JMJD1C: variants seen among roughly 807,000 people sequenced by gnomAD.
JMJD1C encodes the protein jumonji domain containing 1C.
A neutral mutation model predicts 245.3 loss-of-function variants in JMJD1C; 31 were observed. The ratio of observed to expected loss-of-function variants is 0.13; its 90% CI spans 0.09 to 0.17. The LOEUF (loss-of-function observed/expected upper bound fraction) is 0.17. Ranked by LOEUF, JMJD1C falls within the 10% of genes least tolerant of loss-of-function variation. The pLI, the probability that JMJD1C is intolerant of heterozygous loss-of-function variation, is 1.00. For synonymous variants in JMJD1C, 1,057 were observed against 1,017.4 expected (o/e 1.04, Z -0.74); for missense variants, 2,691 against 3,000.2 (o/e 0.90, Z 2.41).
intron 2 of JMJD1C, among the ~76,000 whole-genome samples, chr10:63,272,051 A>T (rs7916282): frequency 0.86 from 126,632 of 147,436 alleles, 55,083 homozygotes; most frequent in African/African-American, 0.96. Context: ...CTGGCCTGGG[A>T]GACAGAGCAA....
chr10:63,511,604 G>T (rs1052638300), intron 1 of JMJD1C, among the ~76,000 whole-genome samples: 1 of 152,090 alleles, frequency 6.6e-6, no homozygotes. Flanking sequence ...CAGTGACTCC[G>T]GAGGCTGAGG....
chr10:63,465,393 T>C, intron 1 of JMJD1C, 102 bp downstream of exon 1: 4 of 1,233,582 alleles, frequency 3.2e-6, no homozygotes, highest in African/African-American at 3.0e-5. Flanking sequence ...TGACCGCCAG[T>C]TGGCCGGGCT....
chr10:63,347,903 G>C lies in JMJD1C; in HGVS notation c.333+32415C>G, dbSNP rs572370843. 5.3e-5 allele frequency among the ~76,000 whole-genome samples: 8 copies of C among 152,158 alleles called. No individual in the cohort carries two copies. The East Asian group carries it at 1.5e-3, about 29-fold the overall frequency. On this transcript the variant is annotated intron_variant, in intron 2 of 25. Coordinates refer to ENST00000399262, the MANE Select transcript of JMJD1C (RefSeq NM_032776.3). ...CCCTCCAGCCTAGGCAACAGAGCAA[G>C]ACTCCATCTCAAAACAAGAGAAATT...
intron 3 of JMJD1C, among the ~76,000 whole-genome samples, chr10:63,247,732 A>AAAAAAG (rs1852424612): frequency 6.6e-6 from 1 of 151,628 alleles, no homozygotes; most frequent in Admixed American, 6.6e-5. Flanking sequence ...AAAAAAAAAA[A>AAAAAAG]AAAAAAGAAA....
At chr10:63,333,148 T>C (rs1325495467) in intron 2 of JMJD1C, among the ~76,000 whole-genome samples, 1 of 152,188 alleles carries the variant, frequency 6.6e-6, no homozygotes, top group Non-Finnish European at 1.5e-5. Context: ...CATTTTTCTA[T>C]CTACAAATGA....
Position 63,343,687 on chromosome 10 carries a change from T to C in JMJD1C, c.333+36631A>G, listed in dbSNP as rs72835378. ...AATTACAATGGAGCTGAAAAATTCC[T>C]ATCTGGTGACACTGCACAGCCATTA... On this transcript the variant is annotated intron_variant, in intron 2 of 25. Coordinates refer to ENST00000399262, the MANE Select transcript of JMJD1C (RefSeq NM_032776.3). Among the ~76,000 whole-genome samples the C allele has an allele frequency of 6.5e-3, 988 of 152,308 alleles. 4 individuals are homozygous for C. Among genetic ancestry groups the C allele is most frequent in the Non-Finnish European group, 0.01 (707 of 68,014 alleles).
chr10:63,466,113 C>T, upstream of JMJD1C: 1 of 187,178 alleles, frequency 5.3e-6, no homozygotes. Flanking sequence ...GAGGCGGCAG[C>T]GGCCACTGGG....
chr10:63,233,936 G>A lies in JMJD1C; in HGVS notation c.448-13953C>T, dbSNP rs567349991. On this transcript the variant is annotated intron_variant, in intron 3 of 25. Coordinates refer to ENST00000399262, the MANE Select transcript of JMJD1C (RefSeq NM_032776.3). Reference sequence around the variant, plus strand: ...TATAATGAGAAAAAGAAACATTTAAGATGAAAAAGACTGATGCCAACAATT... The same window carrying A: ...TATAATGAGAAAAAGAAACATTTAAAATGAAAAAGACTGATGCCAACAATT... Among the ~76,000 whole-genome samples, 11 of 152,000 alleles carry A rather than the reference G, an allele frequency of 7.2e-5. 1 individual carries two copies. The highest frequency in any genetic ancestry group is 5.8e-4 in the East Asian group (3 of 5,176).
chr10:63,327,403 G>A (rs1344206729), intron 2 of JMJD1C, among the ~76,000 whole-genome samples: 2 of 152,140 alleles, frequency 1.3e-5, no homozygotes, highest in Non-Finnish European at 2.9e-5. Context: ...AACAAATAGA[G>A]AAAGTTACTT....
intron 3 of JMJD1C, among the ~76,000 whole-genome samples, chr10:63,244,701 G>C (rs1450036844): frequency 6.6e-6 from 1 of 151,796 alleles, no homozygotes; most frequent in African/African-American, 2.4e-5. Flanking sequence ...AATCAGCCGG[G>C]GTGGTGGTGC....
intron 1 of JMJD1C, among the ~76,000 whole-genome samples, chr10:63,453,453 A>G (rs1248296718): frequency 6.6e-6 from 1 of 152,238 alleles, no homozygotes; most frequent in African/African-American, 2.4e-5. Flanking sequence ...CGGTACAAGA[A>G]ACAGAAAGAT....
chr10:63,192,840 T>C, intron 16 of JMJD1C, 98 bp downstream of exon 16: 1 of 900,174 alleles, frequency 1.1e-6, no homozygotes, highest in Non-Finnish European at 1.8e-6. Context: ...GTAAATTGTT[T>C]ACCTCAATAT....
At chr10:63,217,683 A>G (rs1848154783) in intron 4 of JMJD1C, 2 of 156,150 alleles carry the variant, frequency 1.3e-5, no homozygotes, top group African/African-American at 2.4e-5. Flanking sequence ...AGATGACTAC[A>G]TGGTTGAAAC....
At chr10:63,235,305 G>A (rs1410866615) in intron 3 of JMJD1C, among the ~76,000 whole-genome samples, 1 of 152,108 alleles carries the variant, frequency 6.6e-6, no homozygotes, top group Non-Finnish European at 1.5e-5. Flanking sequence ...AGACCAGCCT[G>A]GCCAACACAG....
In JMJD1C at chr10:63,296,013, A is replaced by ATATT. The variant is rs71025149; in HGVS notation, c.334-31250_334-31249insAATA. Among the ~76,000 whole-genome samples the ATATT allele has an allele frequency of 1.4e-3, 114 of 84,278 alleles. 5 individuals are homozygous for ATATT. Among genetic ancestry groups the ATATT allele is most frequent in the African/African-American group, 4.0e-3 (96 of 24,046 alleles). The allele number at this position is 84,278 out of a possible 152,430, so 55.3% of individuals were successfully genotyped here. ...TGTGTGTGTGTGTGTGTATATATAT[A>ATATT]TTTTTTTTTTTTTCTTAGATGGAGT... On this transcript the variant is annotated intron_variant, in intron 2 of 25. Coordinates refer to ENST00000399262, the MANE Select transcript of JMJD1C (RefSeq NM_032776.3).
At position 63,458,731 on chromosome 10, in the gene JMJD1C, A is replaced by AT. The variant is rs71463523; in HGVS notation, c.168+6763dup. ...AATATAGCTTTTTTTTTATTTATTT[A>AT]TTTTTTTTTTGAGGAACAGTCTCAC... On this transcript the variant is annotated intron_variant, in intron 1 of 25. Transcript: ENST00000399262. Among the ~76,000 whole-genome samples, 96 of 145,446 alleles carry AT rather than the reference A, an allele frequency of 6.6e-4. 1 individual carries two copies. Among genetic ancestry groups the AT allele is most frequent in the Middle Eastern group, 7.0e-3 (2 of 286 alleles).
chr10:63,233,207 T>C (rs1033875068), intron 3 of JMJD1C, among the ~76,000 whole-genome samples: 1 of 152,210 alleles, frequency 6.6e-6, no homozygotes, highest in African/African-American at 2.4e-5. Flanking sequence ...TAATCCTTTA[T>C]AGTTAAAAAT....
At chr10:63,506,854 C>T (rs907120002) in intron 1 of JMJD1C, among the ~76,000 whole-genome samples, 2 of 152,180 alleles carry the variant, frequency 1.3e-5, no homozygotes, top group Non-Finnish European at 2.9e-5. Flanking sequence ...TGTATAATGA[C>T]ATGTATGCAC....
chr10:63,231,562 G>A (rs531970197), intron 3 of JMJD1C, among the ~76,000 whole-genome samples: 137 of 152,204 alleles, frequency 9.0e-4, no homozygotes, highest in African/African-American at 3.1e-3. Flanking sequence ...GGGAGGCCAC[G>A]GCGGGCAGAT....
Sources: allele counts gnomAD v4.1 joint callset (sites outside exome capture counted in the v4.1 genomes callset), GRCh38; gene constraint gnomAD v4.1.1; transcripts MANE v1.5; gene names NCBI Gene and HGNC (gene_info 2026-07-23, HGNC 2026-07-21).